PAMR1: variants seen among roughly 807,000 people sequenced by gnomAD.
The protein encoded by PAMR1 is peptidase domain containing associated with muscle regeneration 1, also known as inactive serine protease PAMR1.
PAMR1 carries 88 observed loss-of-function variants against 81.8 expected under a neutral mutation model. The observed-to-expected ratio is 1.08, with a 90% CI of 0.91 to 1.28. The LOEUF (loss-of-function observed/expected upper bound fraction) is 1.28, where lower values mean the gene tolerates loss of function less well. PAMR1 is among the 50% of genes most tolerant of loss of function. PAMR1 has a pLI of 0.00. For synonymous variants in PAMR1, 336 were observed against 345.3 expected (o/e 0.97, Z 0.30); for missense variants, 935 against 919.7 (o/e 1.02, Z -0.21).
intron 6 of PAMR1, among the ~76,000 whole-genome samples, chr11:35,446,619 TG>T (rs1359400517): frequency 6.6e-6 from 1 of 152,236 alleles, no homozygotes; most frequent in Non-Finnish European, 1.5e-5. Flanking sequence ...AGGAGCAGGT[TG>T]TTCAATTTCC....
At chr11:35,456,393 C>T (rs1262890947) in intron 6 of PAMR1, among the ~76,000 whole-genome samples, 1 of 152,152 alleles carries the variant, frequency 6.6e-6, no homozygotes, top group Non-Finnish European at 1.5e-5. Flanking sequence ...CTTAGCCTGC[C>T]GTGCTGTCTG....
chr11:35,497,471 G>T (rs1295289893), intron 1 of PAMR1, among the ~76,000 whole-genome samples: 1 of 152,120 alleles, frequency 6.6e-6, no homozygotes, highest in Non-Finnish European at 1.5e-5. Flanking sequence ...TTCTGTTTGG[G>T]GTGGTGAACT....
Position 35,432,288 on chromosome 11 carries a change from G to T in PAMR1, c.*68C>A. On this transcript the variant is annotated 3_prime_UTR_variant, in exon 11 of 11. Transcript: ENST00000619888. ...CCAAATCACACTTCAGGCCCACACT[G>T]CTTCACGCAATGACACACGTACAGA... 1 of 1,436,656 alleles carries T rather than the reference G, an allele frequency of 7.0e-7. No individual in the cohort carries two copies. The highest frequency in any genetic ancestry group is 9.5e-7 in the Non-Finnish European group (1 of 1,049,332). The allele number at this position is 1,436,656 out of a possible 1,614,324, so 89.0% of individuals were successfully genotyped here.
At chr11:35,491,103 G>A (rs1394504319) in intron 3 of PAMR1, among the ~76,000 whole-genome samples, 1 of 152,124 alleles carries the variant, frequency 6.6e-6, no homozygotes, top group Non-Finnish European at 1.5e-5. Flanking sequence ...CAGCAACGAA[G>A]ACCAACACTT....
At chr11:35,513,550 C>T (rs946594259) in intron 1 of PAMR1, 3 of 152,250 alleles carry the variant, frequency 2.0e-5, no homozygotes, top group South Asian at 4.2e-4. Context: ...GAGTGCTTTC[C>T]GTGTGTTTCT....
intron 1 of PAMR1, among the ~76,000 whole-genome samples, chr11:35,499,124 G>T (rs116198967): frequency 0.015 from 2,342 of 152,264 alleles, 59 homozygotes; most frequent in African/African-American, 0.054. Context: ...TCCTTCACTA[G>T]TCAAATATTT....
chr11:35,476,167 G>A (rs986268094), intron 3 of PAMR1, among the ~76,000 whole-genome samples: 2 of 152,118 alleles, frequency 1.3e-5, no homozygotes, highest in Non-Finnish European at 2.9e-5. Flanking sequence ...TATTGCTGCT[G>A]CCCTGTGCCA....
chr11:35,444,146 A>G (rs1179494305), intron 6 of PAMR1, among the ~76,000 whole-genome samples: 1 of 152,074 alleles, frequency 6.6e-6, no homozygotes, highest in Non-Finnish European at 1.5e-5. Flanking sequence ...CAAAACCAGT[A>G]CCTTTGAGAA....
intron 1 of PAMR1, among the ~76,000 whole-genome samples, chr11:35,496,802 A>G (rs915743321): frequency 1.1e-4 from 17 of 152,358 alleles, no homozygotes; most frequent in African/African-American, 4.1e-4. Context: ...TTGTATGCCA[A>G]TGTTCATTCA....
intron 1 of PAMR1, among the ~76,000 whole-genome samples, chr11:35,504,063 T>C (rs2135411354): frequency 6.6e-6 from 1 of 152,284 alleles, no homozygotes; most frequent in Admixed American, 6.5e-5. Context: ...GCCTAGTTTT[T>C]TCAGGGTTTT....
intron 1 of PAMR1, among the ~76,000 whole-genome samples, chr11:35,503,189 T>C (rs1350591584): frequency 6.6e-6 from 1 of 152,152 alleles, no homozygotes; most frequent in African/African-American, 2.4e-5. Flanking sequence ...TCTGTTTCAC[T>C]GGTCTATGTG....
intron 6 of PAMR1, among the ~76,000 whole-genome samples, chr11:35,450,453 A>G (rs1302900232): frequency 6.6e-6 from 1 of 152,198 alleles, no homozygotes; most frequent in African/African-American, 2.4e-5. Context: ...AAAAAGGGTA[A>G]TGGGTTTCTT....
intron 1 of PAMR1, among the ~76,000 whole-genome samples, chr11:35,515,839 T>C (rs1376043725): frequency 7.7e-6 from 1 of 129,694 alleles, no homozygotes; most frequent in East Asian, 3.2e-4. Context: ...TTTGGGATTC[T>C]CTTTTTTTTT....
chr11:35,473,426 T>C (rs1194046137), intron 4 of PAMR1, among the ~76,000 whole-genome samples: 1 of 152,186 alleles, frequency 6.6e-6, no homozygotes, highest in Non-Finnish European at 1.5e-5. Context: ...TCTTGGTCCC[T>C]GAGCTGCTGA....
At position 35,474,715 on chromosome 11, in the gene PAMR1, C is replaced by A. The variant is rs1218080404; in HGVS notation, c.409G>T (p.Gly137Cys). 3 of 1,610,678 alleles carry A rather than the reference C, an allele frequency of 1.9e-6. No homozygotes were observed. The highest frequency in any genetic ancestry group is 1.7e-6 in the Non-Finnish European group (2 of 1,178,686). Residue 137 changes from glycine (G) to cysteine (C), a missense_variant, in exon 4 of 11, where the codon GGT (glycine) becomes TGT (cysteine). Coordinates refer to ENST00000619888, the MANE Select transcript of PAMR1 (RefSeq NM_001001991.3). ...GGATAGCTTTCCAACAAAATCTGAC[C>A]CTTTGGGGCTCGCAGAACCTGGCCA... ...RCGQVLRAPK[G>C]QILLESYPLN... is the part of the protein sequence containing the mutation.
Position 35,492,134 on chromosome 11 carries a change from C to A in PAMR1, c.290G>T (p.Gly97Val). ...IFENCKSCRNGSWGGTLDDFY... is the reference protein window; with the variant it reads ...IFENCKSCRNVSWGGTLDDFY... ...GTCATCCAAGGTACCCCCCCATGAG[C>A]CATTTCGGCAGCTCTTGCAGTTTTC... The change falls in exon 3 of 11, where the codon GGC becomes GTC. Residue 97 changes from glycine to valine, a missense_variant. Gly to Val is a moderately radical substitution (Grantham distance 109). Coordinates refer to ENST00000619888, the MANE Select transcript of PAMR1 (RefSeq NM_001001991.3). 1.2e-6 allele frequency: 2 copies of A among 1,614,086 alleles called. No individual in the cohort carries two copies. Among genetic ancestry groups the A allele is most frequent in the Non-Finnish European group, 1.7e-6 (2 of 1,179,966 alleles).
Position 35,470,705 on chromosome 11 carries a change from C to T in PAMR1, c.608G>A (p.Arg203Gln), listed in dbSNP as rs370602380. 74 of 1,613,948 alleles carry T rather than the reference C, an allele frequency of 4.6e-5. No individual in the cohort carries two copies. Among genetic ancestry groups the T allele is most frequent in the South Asian group, 3.0e-4 (27 of 91,080 alleles). ...TCCTATGCTCTGGATAGGAGCTGGC[C>T]GCTCGTTGCCACAGACACGCTTGAT... ...QIIKRVCGNE[R>Q]PAPIQSIGSS... Residue 203 changes from arginine to glutamine, a missense_variant, in exon 5 of 11, where the codon CGG becomes CAG. Physicochemically the swap from Arg to Gln is conservative, Grantham distance 43. Coordinates refer to ENST00000619888, the MANE Select transcript of PAMR1 (RefSeq NM_001001991.3).
chr11:35,432,208 C>T lies in PAMR1; in HGVS notation c.*148G>A. 2 of 685,308 alleles carry T rather than the reference C, an allele frequency of 2.9e-6. No homozygotes were observed. Among genetic ancestry groups the T allele is most frequent in the Non-Finnish European group, 2.5e-6 (1 of 406,632 alleles). The allele number at this position is 685,308 out of a possible 1,614,324, so 42.5% of individuals were successfully genotyped here. On this transcript the variant is annotated 3_prime_UTR_variant, in exon 11 of 11. Coordinates refer to ENST00000619888, the MANE Select transcript of PAMR1 (RefSeq NM_001001991.3). Reference sequence around the variant, plus strand: ...TACCAGCAATGGAGGTCTACTCACCCTTCACTGAGTTTTGTCCCTGAAGTC... The same window carrying T: ...TACCAGCAATGGAGGTCTACTCACCTTTCACTGAGTTTTGTCCCTGAAGTC...
Position 35,448,766 on chromosome 11 carries a change from T to C in PAMR1, c.821-7073A>G, listed in dbSNP as rs1024375472. Among the ~76,000 whole-genome samples the C allele has an allele frequency of 5.9e-5, 9 of 152,246 alleles. No individual in the cohort carries two copies. In the East Asian group the frequency reaches 1.7e-3, roughly 29 times the overall value. On this transcript the variant is annotated intron_variant, in intron 6 of 10. Coordinates refer to ENST00000619888, the MANE Select transcript of PAMR1 (RefSeq NM_001001991.3). ...GCACTTTTATGTTGATTTTTTCTCA[T>C]CTTCATGGGTTTATCTACCTTCAAT...
Sources: gnomAD v4.1 joint callset for allele counts (sites outside exome capture counted in the v4.1 genomes callset) on GRCh38, gnomAD v4.1.1 for gene constraint, MANE v1.5 for transcripts, NCBI Gene and HGNC (gene_info 2026-07-23, HGNC 2026-07-21) for gene names.